Variants in OR3A2 observed in about 807,000 individuals in gnomAD.
OR3A2 encodes olfactory receptor family 3 subfamily A member 2, also known as olfactory receptor 3A2.
For missense variants in OR3A2, 318 were observed against 392.8 expected (o/e 0.81, Z 1.61); for synonymous variants, 126 against 159.3 (o/e 0.79, Z 1.57).
rs748066378 is a variant in OR3A2, at chr17:3,346,211, G to C, written c.-178-10085C>G. On this transcript the variant is annotated intron_variant, in intron 2 of 4. Transcript: ENST00000573491. ...ACAGGACTTCTTACTTTTTAAGGCT[G>C]AATAGCATTCTGTGTGGTATATATA... Among the ~76,000 whole-genome samples the C allele has an allele frequency of 2.0e-5, 3 of 152,164 alleles. No individual in the cohort carries two copies. In the South Asian group the frequency reaches 6.2e-4, roughly 31 times the overall value.
chr17:3,291,705 T>C, intron 3 of OR3A2: 1 of 1,612,460 alleles, frequency 6.2e-7, no homozygotes, highest in Non-Finnish European at 8.5e-7. Flanking sequence ...TCTGAAGCTG[T>C]AGATGATTGG....
Position 3,385,135 on chromosome 17 carries a change from G to A in OR3A2, c.-275+990C>T, listed in dbSNP as rs550028238. Among the ~76,000 whole-genome samples the A allele has an allele frequency of 7.9e-5, 12 of 152,236 alleles. No homozygotes were observed. The South Asian group carries it at 1.0e-3, about 13-fold the overall frequency. On this transcript the variant is annotated intron_variant, in intron 1 of 4. Transcript: ENST00000573491. ...CTTGAACCCAGGAGGCAGAGGTTGC[G>A]GTGAGCTGAGATCATGCCATTGAAC...
chr17:3,382,503 A>G (rs2049745905), intron 2 of OR3A2, among the ~76,000 whole-genome samples: 1 of 152,220 alleles, frequency 6.6e-6, no homozygotes, highest in South Asian at 2.1e-4. Context: ...CAATCTCTGC[A>G]GAGAGTACTG....
At chr17:3,350,654 A>G (rs973151769) in intron 2 of OR3A2, among the ~76,000 whole-genome samples, 2 of 150,468 alleles carry the variant, frequency 1.3e-5, no homozygotes, top group African/African-American at 4.9e-5. Flanking sequence ...ATCAATAGAA[A>G]AAGAGGGAAT....
At chr17:3,294,081 G>T (rs1001301760) in intron 3 of OR3A2, among the ~76,000 whole-genome samples, 1 of 151,882 alleles carries the variant, frequency 6.6e-6, no homozygotes, top group African/African-American at 2.4e-5. Flanking sequence ...TGACAAACCT[G>T]CATGTCCTGC....
rs1377529557 is a variant in OR3A2 at position 3,310,669 on chromosome 17, T to C, written c.-85+25364A>G. On this transcript the variant is annotated intron_variant, in intron 3 of 4. Coordinates refer to the OR3A2 transcript ENST00000573491. ...GGGGCAGACTGCTTCTTGCTGACCA[T>C]CATGGCCTATGACCGCTATCTGGCC... 4 of 542,940 alleles carry C rather than the reference T, an allele frequency of 7.4e-6. No individual in the cohort carries two copies. In the East Asian group the frequency reaches 2.1e-4, roughly 29 times the overall value. 33.6% of individuals were successfully genotyped at this position (542,940 alleles called of 1,614,324 possible). A position where few individuals can be genotyped will look rare whatever the true frequency, so the allele number is the denominator to read the frequency against.
intron 2 of OR3A2, among the ~76,000 whole-genome samples, chr17:3,375,787 G>A (rs1477727079): frequency 6.6e-6 from 1 of 152,166 alleles, no homozygotes; most frequent in Non-Finnish European, 1.5e-5. Flanking sequence ...GTCCCATGGG[G>A]TGATCCCTTG....
intron 3 of OR3A2, among the ~76,000 whole-genome samples, chr17:3,306,282 G>A (rs192218530): frequency 6.6e-6 from 1 of 152,216 alleles, no homozygotes; most frequent in East Asian, 1.9e-4. Flanking sequence ...CTCCCAAGTA[G>A]CTGGGACTAC....
chr17:3,360,104 A>T (rs1409539864), intron 2 of OR3A2, among the ~76,000 whole-genome samples: 3 of 151,712 alleles, frequency 2.0e-5, no homozygotes, highest in African/African-American at 7.3e-5. Context: ...CTTTTTAATG[A>T]TTGCCATTCT....
At chr17:3,384,054 C>T (rs988182382) in intron 1 of OR3A2, among the ~76,000 whole-genome samples, 2 of 151,264 alleles carry the variant, frequency 1.3e-5, no homozygotes, top group African/African-American at 4.9e-5. Context: ...ATATACAGAT[C>T]ACTGCACAAG....
At chr17:3,334,493 T>C (rs1218908715) in intron 3 of OR3A2, among the ~76,000 whole-genome samples, 1 of 152,220 alleles carries the variant, frequency 6.6e-6, no homozygotes, top group East Asian at 1.9e-4. Flanking sequence ...TCTATATGGC[T>C]GAATAATATT....
At chr17:3,292,400 G>A (rs1254046042) in intron 3 of OR3A2, 1 of 1,614,084 alleles carries the variant, frequency 6.2e-7, no homozygotes, top group South Asian at 1.1e-5. Context: ...AGAAGTACAT[G>A]GGGGTGTGGA....
At chr17:3,341,382 G>A (rs1331384181) in intron 2 of OR3A2, among the ~76,000 whole-genome samples, 1 of 152,204 alleles carries the variant, frequency 6.6e-6, no homozygotes, top group East Asian at 1.9e-4. Flanking sequence ...AATTTGGCAT[G>A]TTTCTGCAGT....
intron 1 of OR3A2, among the ~76,000 whole-genome samples, chr17:3,280,433 G>A (rs1162634621): frequency 1.3e-5 from 2 of 151,462 alleles, no homozygotes; most frequent in Non-Finnish European, 2.9e-5. Context: ...CACCACGCCC[G>A]GCTAATTTTT....
At chr17:3,295,357 T>C (rs2048911116) in intron 3 of OR3A2, among the ~76,000 whole-genome samples, 2 of 152,040 alleles carry the variant, frequency 1.3e-5, no homozygotes, top group Non-Finnish European at 2.9e-5. Flanking sequence ...GAAACAGGAA[T>C]ATACTAATTT....
Position 3,369,077 on chromosome 17 carries a change from C to T in OR3A2, c.-179+14727G>A, listed in dbSNP as rs376077249. ...TATAGCAGTGCTACTGATTTGTGGACGTTGATTATGTATCCTGAAAGTTTA... is the reference window on the plus strand; with the variant it reads ...TATAGCAGTGCTACTGATTTGTGGATGTTGATTATGTATCCTGAAAGTTTA... On this transcript the variant is annotated intron_variant, in intron 2 of 4. Transcript: ENST00000573491. 3.3e-5 allele frequency among the ~76,000 whole-genome samples: 5 copies of T among 152,188 alleles called. No individual in the cohort carries two copies. In the East Asian group the frequency reaches 7.7e-4, roughly 23 times the overall value.
chr17:3,364,259 T>C (rs1378296399), intron 2 of OR3A2, among the ~76,000 whole-genome samples: 1 of 152,250 alleles, frequency 6.6e-6, no homozygotes, highest in Admixed American at 6.5e-5. Flanking sequence ...TTATGGGGTA[T>C]AATATGTTTT....
chr17:3,307,654 C>T (rs1323610332), intron 3 of OR3A2, among the ~76,000 whole-genome samples: 1 of 152,186 alleles, frequency 6.6e-6, no homozygotes, highest in Non-Finnish European at 1.5e-5. Context: ...CAGGATGCTA[C>T]AGGTTCTAGA....
At chr17:3,308,769 T>C (rs1053917697) in intron 3 of OR3A2, among the ~76,000 whole-genome samples, 1 of 152,152 alleles carries the variant, frequency 6.6e-6, no homozygotes, top group Admixed American at 6.5e-5. Flanking sequence ...CATTTAATCA[T>C]TGGGAAATAT....
Sources: gnomAD v4.1 joint callset for allele counts (sites outside exome capture counted in the v4.1 genomes callset) on GRCh38, gnomAD v4.1.1 for gene constraint, MANE v1.5 for transcripts, NCBI Gene and HGNC (gene_info 2026-07-23, HGNC 2026-07-21) for gene names.